The following TENM3 variants were observed in gnomAD, a reference collection of about 807,000 sequenced individuals.
TENM3 encodes the protein teneurin transmembrane protein 3, also known as teneurin-3.
A neutral mutation model predicts 255.1 loss-of-function variants in TENM3; 63 were observed. The observed-to-expected ratio is 0.25, with a 90% CI of 0.20 to 0.30. The LOEUF (loss-of-function observed/expected upper bound fraction) is 0.30, where lower values mean the gene tolerates loss of function less well. Ranked by LOEUF, TENM3 falls within the 10% of genes least tolerant of loss-of-function variation. The pLI is 1.00. For missense variants in TENM3, 2,929 were observed against 3,461.1 expected (o/e 0.85, Z 3.86); for synonymous variants, 1,306 against 1,322.3 (o/e 0.99, Z 0.27).
the TENM3 span, among the ~76,000 whole-genome samples, chr4:181,719,785 C>T: frequency 6.6e-6 from 1 of 152,196 alleles, no homozygotes; most frequent in African/African-American, 2.4e-5. Context: ...ATAAATTCAA[C>T]TTACACAGAA....
the TENM3 span, among the ~76,000 whole-genome samples, chr4:181,653,700 CTTT>C: frequency 2.9e-5 from 4 of 137,292 alleles, no homozygotes; most frequent in African/African-American, 5.4e-5. Context: ...ATAAGACCAG[CTTT>C]TTTTTTTTTT....
At chr4:181,471,572 C>T in the TENM3 span, among the ~76,000 whole-genome samples, 1 of 152,150 alleles carries the variant, frequency 6.6e-6, no homozygotes, top group Admixed American at 6.5e-5. Flanking sequence ...TTATAAAAAC[C>T]TGGGATCAAG....
At chr4:181,648,101 A>G in the TENM3 span, among the ~76,000 whole-genome samples, 1 of 152,060 alleles carries the variant, frequency 6.6e-6, no homozygotes, top group Non-Finnish European at 1.5e-5. Flanking sequence ...ATGATGGGGG[A>G]CTTGCGTCTT....
At chr4:181,906,726 T>C in the TENM3 span, among the ~76,000 whole-genome samples, 1 of 152,174 alleles carries the variant, frequency 6.6e-6, no homozygotes, top group Non-Finnish European at 1.5e-5. Context: ...TTTTTGTTTT[T>C]GTTTAGAGAT....
At chr4:182,452,094 A>G (rs1443757178) in intron 3 of TENM3, among the ~76,000 whole-genome samples, 1 of 152,230 alleles carries the variant, frequency 6.6e-6, no homozygotes, top group Non-Finnish European at 1.5e-5. Flanking sequence ...CTATATGTAT[A>G]CATGCACACA....
At chr4:182,443,651 A>G (rs1772676977) in intron 3 of TENM3, among the ~76,000 whole-genome samples, 1 of 152,058 alleles carries the variant, frequency 6.6e-6, no homozygotes, top group Admixed American at 6.5e-5. Flanking sequence ...CCAGGACAGG[A>G]CTGAAGCTCA....
chr4:181,485,138 CA>C, the TENM3 span, among the ~76,000 whole-genome samples: 1 of 152,134 alleles, frequency 6.6e-6, no homozygotes, highest in Non-Finnish European at 1.5e-5. Context: ...ACATAAGTGT[CA>C]ATCATTGACA....
At chr4:182,573,061 T>G (rs1403462397) in intron 3 of TENM3, among the ~76,000 whole-genome samples, 2 of 152,202 alleles carry the variant, frequency 1.3e-5, no homozygotes, top group Non-Finnish European at 2.9e-5. Flanking sequence ...CAGATATTAT[T>G]TCAATGATTT....
intron 3 of TENM3, among the ~76,000 whole-genome samples, chr4:182,355,042 G>A (rs1580265831): frequency 6.6e-6 from 1 of 152,172 alleles, no homozygotes. Context: ...CGTGTAATTA[G>A]GTTTTAATGT....
At chr4:181,738,216 A>G in the TENM3 span, among the ~76,000 whole-genome samples, 1 of 152,202 alleles carries the variant, frequency 6.6e-6, no homozygotes, top group Non-Finnish European at 1.5e-5. Flanking sequence ...GCTGTTATTC[A>G]GTACATGTCA....
At chr4:181,448,605 G>A in the TENM3 span, among the ~76,000 whole-genome samples, 2 of 152,174 alleles carry the variant, frequency 1.3e-5, no homozygotes, top group Admixed American at 6.5e-5. Flanking sequence ...ACTACGTGAA[G>A]GAAAATCTGT....
the TENM3 span, among the ~76,000 whole-genome samples, chr4:181,558,752 A>C: frequency 9.2e-5 from 14 of 152,236 alleles, no homozygotes; most frequent in African/African-American, 3.4e-4. Flanking sequence ...CACCAACTGC[A>C]ATATGGCATT....
At chr4:182,719,877 G>A (rs947767707) in intron 13 of TENM3, among the ~76,000 whole-genome samples, 5 of 151,930 alleles carry the variant, frequency 3.3e-5, no homozygotes, top group African/African-American at 7.2e-5. Flanking sequence ...CCTGGCCAGC[G>A]TAGCAAGGCC....
chr4:182,616,223 G>A (rs1202104291), intron 4 of TENM3, among the ~76,000 whole-genome samples: 1 of 152,130 alleles, frequency 6.6e-6, no homozygotes, highest in Non-Finnish European at 1.5e-5. Context: ...CTGTTTTCGT[G>A]TAAAAGATAG....
intron 1 of TENM3, among the ~76,000 whole-genome samples, chr4:182,266,873 T>A (rs560060481): frequency 6.6e-6 from 1 of 152,214 alleles, no homozygotes; most frequent in Non-Finnish European, 1.5e-5. Context: ...TCCTTATCAA[T>A]TGTGGCTTTA....
At chr4:181,521,383 T>C in the TENM3 span, among the ~76,000 whole-genome samples, 3 of 152,196 alleles carry the variant, frequency 2.0e-5, no homozygotes, top group Non-Finnish European at 4.4e-5. Flanking sequence ...GCTTTGTAAG[T>C]GTGGTCTGGT....
At chr4:182,582,898 G>A (rs532816207) in intron 3 of TENM3, among the ~76,000 whole-genome samples, 1 of 152,272 alleles carries the variant, frequency 6.6e-6, no homozygotes, top group Non-Finnish European at 1.5e-5. Flanking sequence ...TTTGCCTTGG[G>A]GAATTAGAAT....
chr4:182,600,915 T>C lies in TENM3; in HGVS notation c.512-9T>C, dbSNP rs1747774666. 1.4e-6 allele frequency: 2 copies of C among 1,398,316 alleles called. No individual in the cohort carries two copies. Among genetic ancestry groups the C allele is most frequent in the Admixed American group, 2.2e-5 (1 of 44,652 alleles). 86.6% of individuals were successfully genotyped at this position (1,398,316 alleles called of 1,614,324 possible). On this transcript the variant is annotated splice_polypyrimidine_tract_variant and intron_variant, in intron 3 of 27. Coordinates refer to ENST00000511685, the MANE Select transcript of TENM3 (RefSeq NM_001080477.4). Reference sequence around the variant, plus strand: ...TCTCTTTCTTTTTTTTTTTTTTTTTTTTTTTCAGAGCAACCTGCAAGCAAT... The same window carrying C: ...TCTCTTTCTTTTTTTTTTTTTTTTTCTTTTTCAGAGCAACCTGCAAGCAAT...
chr4:181,927,153 C>T, the TENM3 span, among the ~76,000 whole-genome samples: 1,280 of 152,212 alleles, frequency 8.4e-3, 20 homozygotes, highest in African/African-American at 0.029. Flanking sequence ...GGAATGCAAG[C>T]GAGACGGAAC....
Sources: gnomAD v4.1 joint callset for allele counts (sites outside exome capture counted in the v4.1 genomes callset) on GRCh38, gnomAD v4.1.1 for gene constraint, MANE v1.5 for transcripts, NCBI Gene and HGNC (gene_info 2026-07-23, HGNC 2026-07-21) for gene names.